The following TRIT1 variants were observed in gnomAD, a reference collection of about 807,000 sequenced individuals.
TRIT1 encodes the protein tRNA dimethylallyltransferase.
Under a neutral mutation model 51.2 loss-of-function variants are expected in TRIT1, and 43 were observed. That is an observed-to-expected ratio of 0.84 (90% CI 0.66 to 1.08). The LOEUF (loss-of-function observed/expected upper bound fraction) is 1.08, where lower values mean the gene tolerates loss of function less well. TRIT1 is among the 50% of genes least tolerant of loss of function. The pLI, the probability that TRIT1 is intolerant of heterozygous loss-of-function variation, is 0.00. For synonymous variants in TRIT1, 184 were observed against 203.9 expected, an observed-to-expected ratio of 0.90 and a Z score of 0.83; for missense variants, 528 against 578.4, an observed-to-expected ratio of 0.91 and a Z score of 0.89.
At chr1:39,875,266 G>A (rs1644012283) in intron 1 of TRIT1, among the ~76,000 whole-genome samples, 2 of 151,984 alleles carry the variant, frequency 1.3e-5, no homozygotes. Flanking sequence ...GAGGTGGGCA[G>A]ATCACGAGGT....
intron 1 of TRIT1, among the ~76,000 whole-genome samples, chr1:39,869,250 A>T (rs1388649619): frequency 2.6e-5 from 4 of 152,074 alleles, no homozygotes; most frequent in Non-Finnish European, 5.9e-5. Flanking sequence ...TTGCAGGCGC[A>T]CGCCGCCACG....
intron 1 of TRIT1, among the ~76,000 whole-genome samples, chr1:39,880,700 G>A (rs1644230994): frequency 6.6e-6 from 1 of 152,018 alleles, no homozygotes; most frequent in Non-Finnish European, 1.5e-5. Flanking sequence ...TCGGGAGGCT[G>A]AGGCAGGAGA....
At position 39,844,655 on chromosome 1, in the gene TRIT1, G is replaced by C; in HGVS notation, c.1007-15C>G. On this transcript the variant is annotated splice_polypyrimidine_tract_variant and intron_variant, in intron 8 of 10. Coordinates refer to ENST00000316891, the MANE Select transcript of TRIT1 (RefSeq NM_017646.6). ...GGGACCAGGTCCTAATGATGACAAA[G>C]AAAGGTTGTGAGAGGTCAGCCTCAA... The C allele has an allele frequency of 1.9e-6, 3 of 1,593,014 alleles. No individual in the cohort carries two copies. In the South Asian group the frequency reaches 3.3e-5, roughly 18 times the overall value.
At chr1:39,863,752 G>GAA (rs528386601) in intron 1 of TRIT1, among the ~76,000 whole-genome samples, 1 of 84,250 alleles carries the variant, frequency 1.2e-5, no homozygotes, top group Non-Finnish European at 2.5e-5. Flanking sequence ...CTACAACAGA[G>GAA]AAAAAAAAAA....
chr1:39,882,981 C>T (rs906091914), intron 1 of TRIT1, among the ~76,000 whole-genome samples: 3 of 152,330 alleles, frequency 2.0e-5, no homozygotes, highest in East Asian at 3.9e-4. Flanking sequence ...GGATACCTAT[C>T]TGTCGACCTT....
intron 8 of TRIT1, among the ~76,000 whole-genome samples, chr1:39,845,927 T>A (rs1201314047): frequency 2.0e-5 from 3 of 152,302 alleles, no homozygotes. Context: ...TGACACACTG[T>A]GCCATCAACT....
chr1:39,857,411 C>T lies in TRIT1; in HGVS notation c.181G>A (p.Glu61Lys). 1 of 1,613,436 alleles carries T rather than the reference C, an allele frequency of 6.2e-7. No homozygotes were observed. Among genetic ancestry groups the T allele is most frequent in the Non-Finnish European group, 8.5e-7 (1 of 1,179,704 alleles). The change falls in exon 2 of 11, where the codon GAA becomes AAA. Residue 61 changes from glutamate to lysine, a missense_variant. Glu to Lys is a moderately conservative substitution (Grantham distance 56). Coordinates refer to ENST00000316891, the MANE Select transcript of TRIT1 (RefSeq NM_017646.6). ...IVSADSMQVY[E>K]GLDIITNKVS... ...TTGTTGGTGATGATGTCTAGGCCTT[C>T]ATAGACCTAGGGGAAAGAAAATTAA...
chr1:39,851,009 T>A (rs75130991), intron 4 of TRIT1, among the ~76,000 whole-genome samples: 2,737 of 151,298 alleles, frequency 0.018, 61 homozygotes, highest in East Asian at 0.11. Flanking sequence ...GTAATTTAAC[T>A]CCCAAATCTA....
At position 39,848,599 on chromosome 1, in the gene TRIT1, G is replaced by A. The variant is rs552503760; in HGVS notation, c.704-502C>T. 4.0e-5 allele frequency among the ~76,000 whole-genome samples: 6 copies of A among 151,338 alleles called. No individual in the cohort carries two copies. The East Asian group carries it at 7.8e-4, about 20-fold the overall frequency. On this transcript the variant is annotated intron_variant, in intron 5 of 10. Transcript: ENST00000316891. ...CCAGCACTTTGGGAGGCCGAGGTGG[G>A]TGGATCACGAGGTCAAGAGTTCGAG... is the stretch of plus-strand genomic sequence containing the variant.
chr1:39,846,326 A>T (rs1056250360), intron 8 of TRIT1, among the ~76,000 whole-genome samples: 1 of 152,260 alleles, frequency 6.6e-6, no homozygotes, highest in Non-Finnish European at 1.5e-5. Context: ...AATTGAGAGC[A>T]GAAGTCTACC....
At chr1:39,877,665 C>T (rs1644117526) in intron 1 of TRIT1, among the ~76,000 whole-genome samples, 1 of 152,152 alleles carries the variant, frequency 6.6e-6, no homozygotes, top group South Asian at 2.1e-4. Context: ...ATGTTTCATC[C>T]AGTCACTGAA....
intron 1 of TRIT1, among the ~76,000 whole-genome samples, chr1:39,881,278 A>G (rs1644258287): frequency 1.3e-5 from 2 of 151,920 alleles, no homozygotes; most frequent in South Asian, 2.1e-4. Context: ...AAATATTGGC[A>G]TGGACCTTAG....
chr1:39,873,485 A>G (rs565125082), intron 1 of TRIT1, among the ~76,000 whole-genome samples: 4 of 152,328 alleles, frequency 2.6e-5, no homozygotes, highest in South Asian at 2.1e-4. Flanking sequence ...ATTGGAGGAC[A>G]CTAAAGATAC....
At chr1:39,845,779 C>T (rs1642188889) in intron 8 of TRIT1, among the ~76,000 whole-genome samples, 2 of 152,186 alleles carry the variant, frequency 1.3e-5, no homozygotes, top group Non-Finnish European at 2.9e-5. Context: ...GGGAAGTCCC[C>T]CTGGCTTCCT....
At chr1:39,877,328 T>TAAAAA (rs57539376) in intron 1 of TRIT1, among the ~76,000 whole-genome samples, 1 of 113,088 alleles carries the variant, frequency 8.8e-6, no homozygotes, top group African/African-American at 3.3e-5. Flanking sequence ...GTGCTTCTAT[T>TAAAAA]AAAAAAAAAA....
intron 8 of TRIT1, among the ~76,000 whole-genome samples, chr1:39,844,956 A>C (rs1642142647): frequency 6.6e-6 from 1 of 152,246 alleles, no homozygotes; most frequent in South Asian, 2.1e-4. Flanking sequence ...ACATCGTAAG[A>C]AGAAATAAAC....
intron 4 of TRIT1, among the ~76,000 whole-genome samples, chr1:39,852,118 T>A (rs1326899928): frequency 1.3e-5 from 2 of 152,168 alleles, no homozygotes; most frequent in Non-Finnish European, 2.9e-5. Context: ...TTAATCTGTA[T>A]AACCATCAAT....
At chr1:39,847,717 T>G in intron 6 of TRIT1, 57 bp from the exon 7 acceptor site, 2 of 1,612,302 alleles carry the variant, frequency 1.2e-6, no homozygotes, top group Non-Finnish European at 1.7e-6. Context: ...TAGCAGGGGC[T>G]TTGGAGATGG....
intron 2 of TRIT1, among the ~76,000 whole-genome samples, chr1:39,856,954 GCT>G (rs1264043697): frequency 1.3e-5 from 2 of 152,196 alleles, no homozygotes; most frequent in Admixed American, 6.5e-5. Context: ...CTAAAACAGT[GCT>G]TCTCAAATTT....
Sources: gnomAD v4.1 joint callset for allele counts (sites outside exome capture counted in the v4.1 genomes callset) on GRCh38, gnomAD v4.1.1 for gene constraint, MANE v1.5 for transcripts, NCBI Gene and HGNC (gene_info 2026-07-23, HGNC 2026-07-21) for gene names.